Variants in ATP11C observed in about 807,000 individuals in gnomAD.
ATP11C encodes the protein phospholipid-transporting ATPase IG.
ATP11C carries 36 observed loss-of-function variants against 97.4 expected under a neutral mutation model. The ratio of observed to expected loss-of-function variants is 0.37; its 90% CI spans 0.28 to 0.49. The LOEUF is 0.49. ATP11C is among the 20% of genes least tolerant of loss of function. The pLI, the probability that ATP11C is intolerant of heterozygous loss-of-function variation, is 0.98. For missense variants in ATP11C, 730 were observed against 824.6 expected, an observed-to-expected ratio of 0.89 and a Z score of 1.40; for synonymous variants, 275 against 290.9, an observed-to-expected ratio of 0.95 and a Z score of 0.56.
At chrX:139,895,952 G>A (rs758644675) in intron 1 of ATP11C, among the ~76,000 whole-genome samples, 27 of 111,327 alleles carry the variant, frequency 2.4e-4, no homozygotes, top group Non-Finnish European at 4.7e-4. Flanking sequence ...TGGGATTATA[G>A]GTTGATTAAT....
intron 1 of ATP11C, among the ~76,000 whole-genome samples, chrX:139,893,986 G>A (rs1431937916): frequency 9.1e-6 from 1 of 109,858 alleles, no homozygotes. Flanking sequence ...ACAGACCATC[G>A]ATACTTGATA....
In ATP11C at chrX:139,789,307, A is replaced by T. The variant is rs765017165; in HGVS notation, c.1368+20T>A. The T allele has an allele frequency of 1.7e-6, 2 of 1,172,016 alleles. No homozygotes were observed. The highest frequency in any genetic ancestry group is 3.9e-5 in the South Asian group (2 of 50,664). On this transcript the variant is annotated intron_variant, in intron 13 of 29. Transcript: ENST00000682941. The stretch of plus-strand genomic sequence containing the variant: ...CATACACAGATTGGTTTCTTATATA[A>T]AACAATAATGCAAATGCACCTTATC...
intron 1 of ATP11C, chrX:139,924,065 T>C (rs1288139911): frequency 2.6e-5 from 9 of 344,015 alleles, no homozygotes; most frequent in East Asian, 7.9e-5. Context: ...ATGATGCAAA[T>C]GAGTATTAGG....
At chrX:139,788,972 T>A (rs1167823582) in intron 13 of ATP11C, among the ~76,000 whole-genome samples, 1 of 110,549 alleles carries the variant, frequency 9.0e-6, no homozygotes, top group Non-Finnish European at 1.9e-5. Flanking sequence ...GGACGGAGGG[T>A]GGTGGATTAC....
chrX:139,741,094 G>C lies in ATP11C; in HGVS notation c.3031C>G (p.Leu1011Val). Residue 1011 changes from leucine (L) to valine (V), a missense_variant and splice_region_variant, in exon 27 of 30, where the codon CTT becomes GTT. By Grantham distance (32) the Leu-to-Val change is conservative. Coordinates refer to ENST00000682941, the MANE Select transcript of ATP11C (RefSeq NM_001353812.2). ...GTCCAGAATCGGGTATCCAAGGCAA[G>C]CTGAAAAGATACAACACAAAAGATT... ...TVLVFTVTLK[L>V]ALDTRFWTWI... 1 of 1,167,942 alleles carries C rather than the reference G, an allele frequency of 8.6e-7. No individual in the cohort carries two copies. The highest frequency in any genetic ancestry group is 1.2e-6 in the Non-Finnish European group (1 of 856,533).
At position 139,802,221 on chromosome X, in the gene ATP11C, C is replaced by G; in HGVS notation, c.659+15G>C. 8.8e-7 allele frequency: 1 copy of G among 1,132,287 alleles called. No individual in the cohort carries two copies. Among genetic ancestry groups the G allele is most frequent in the Non-Finnish European group, 1.2e-6 (1 of 824,381 alleles). The allele number at this position is 1,132,287 out of a possible 1,213,427, so 93.3% of individuals were successfully genotyped here. On this transcript the variant is annotated intron_variant, in intron 7 of 29. Transcript: ENST00000682941. Reference sequence around the variant, plus strand: ...GCCAACAAACAGAAGTAAAATGAAACCAGGTGATTCTTACTTGTAGAGGTC... The same window carrying G: ...GCCAACAAACAGAAGTAAAATGAAAGCAGGTGATTCTTACTTGTAGAGGTC...
chrX:139,788,329 C>T lies in ATP11C; in HGVS notation c.1383G>A (p.Leu461=), dbSNP rs781322366. 2.5e-6 allele frequency: 3 copies of T among 1,204,099 alleles called. No homozygotes were observed. The South Asian group carries it at 5.4e-5, about 22-fold the overall frequency. The change falls in exon 14 of 30, where the codon CTG becomes CTA. Residue 461 remains leucine (L), a synonymous_variant. Transcript: ENST00000682941. ...GACATAAACACAAGGCACGTAGAAACAGCTCTTCTCGATTCTGTGGAACAG... is the reference window on the plus strand; with the variant it reads ...GACATAAACACAAGGCACGTAGAAATAGCTCTTCTCGATTCTGTGGAACAG... ...FDKVDKNREE[L]FLRALCLCHT... is the part of the protein sequence containing the mutation.
chrX:139,808,443 G>A (rs995770030), intron 5 of ATP11C, among the ~76,000 whole-genome samples: 6 of 111,795 alleles, frequency 5.4e-5, no homozygotes, highest in Admixed American at 1.9e-4. Context: ...TAGTCAAACT[G>A]CTGAAAACTG....
At chrX:139,914,539 C>T (rs1247326403) in intron 1 of ATP11C, among the ~76,000 whole-genome samples, 2 of 112,151 alleles carry the variant, frequency 1.8e-5, no homozygotes, top group Non-Finnish European at 3.8e-5. Flanking sequence ...TAGATGTGTC[C>T]GCCAAGGTGT....
intron 28 of ATP11C, among the ~76,000 whole-genome samples, chrX:139,735,920 G>A (rs1442829177): frequency 9.0e-6 from 1 of 111,724 alleles, no homozygotes; most frequent in East Asian, 2.8e-4. Flanking sequence ...TTCAACAAAT[G>A]TTTATTGGTT....
chrX:139,785,581 C>T (rs769960331), intron 15 of ATP11C, among the ~76,000 whole-genome samples: 2 of 111,251 alleles, frequency 1.8e-5, no homozygotes, highest in Admixed American at 1.9e-4. Context: ...TCCCACCAAG[C>T]CATATTTGGA....
chrX:139,822,603 G>T (rs1569472119), intron 2 of ATP11C, among the ~76,000 whole-genome samples: 1 of 110,417 alleles, frequency 9.1e-6, no homozygotes, highest in Non-Finnish European at 1.9e-5. Context: ...TAGTAGAGAC[G>T]GGGTTTCACC....
chrX:139,786,098 A>T (rs2082567721), intron 15 of ATP11C, among the ~76,000 whole-genome samples: 1 of 111,554 alleles, frequency 9.0e-6, no homozygotes, highest in Admixed American at 9.5e-5. Context: ...GTAAGAGCAA[A>T]AGAAAGCCAA....
chrX:139,910,189 T>C (rs138699648), intron 1 of ATP11C, among the ~76,000 whole-genome samples: 1 of 111,518 alleles, frequency 9.0e-6, no homozygotes, highest in African/African-American at 3.3e-5. Flanking sequence ...AGAGAGGGTG[T>C]CAAATTGAGA....
chrX:139,874,168 G>A (rs1235699011), intron 1 of ATP11C, among the ~76,000 whole-genome samples: 3 of 104,981 alleles, frequency 2.9e-5, no homozygotes, highest in African/African-American at 1.1e-4. Flanking sequence ...TCAGCCTCCC[G>A]AGTACCTGGG....
chrX:139,898,193 G>T (rs1196169557), intron 1 of ATP11C, among the ~76,000 whole-genome samples: 1 of 110,994 alleles, frequency 9.0e-6, no homozygotes, highest in African/African-American at 3.3e-5. Context: ...TGTCACTAAG[G>T]CAATGTTCTT....
chrX:139,733,372 A>T (rs1200568001), intron 28 of ATP11C, among the ~76,000 whole-genome samples: 2 of 112,350 alleles, frequency 1.8e-5, no homozygotes, highest in African/African-American at 6.4e-5. Flanking sequence ...TGACTTGAAC[A>T]ACTCTGCTAA....
chrX:139,850,324 T>C (rs1296433958), intron 1 of ATP11C, among the ~76,000 whole-genome samples: 2 of 111,309 alleles, frequency 1.8e-5, no homozygotes, highest in African/African-American at 6.5e-5. Context: ...ATGATCAGAA[T>C]GTTGGTATAA....
At chrX:139,791,667 T>C (rs1212256420) in intron 12 of ATP11C, among the ~76,000 whole-genome samples, 1 of 111,049 alleles carries the variant, frequency 9.0e-6, no homozygotes, top group African/African-American at 3.3e-5. Context: ...AGGATCATAT[T>C]TACAGAACCA....
Sources: gnomAD v4.1 joint callset for allele counts (sites outside exome capture counted in the v4.1 genomes callset) on GRCh38, gnomAD v4.1.1 for gene constraint, MANE v1.5 for transcripts, NCBI Gene and HGNC (gene_info 2026-07-23, HGNC 2026-07-21) for gene names.